PLEKHH2: variants seen among roughly 807,000 people sequenced by gnomAD.
PLEKHH2 encodes pleckstrin homology domain-containing family H member 2.
In PLEKHH2, 129 loss-of-function variants were observed where a neutral mutation model predicts 187.9. The observed-to-expected ratio is 0.69, with a 90% CI of 0.59 to 0.79. The LOEUF (loss-of-function observed/expected upper bound fraction) is 0.79, where lower values mean the gene tolerates loss of function less well. Ranked by LOEUF, PLEKHH2 falls within the 30% of genes least tolerant of loss-of-function variation. The pLI is 0.00. For synonymous variants in PLEKHH2, 686 were observed against 605.6 expected, an observed-to-expected ratio of 1.13 and a Z score of -1.95; for missense variants, 2,076 against 1,751.2, an observed-to-expected ratio of 1.19 and a Z score of -3.31.
chr2:43,643,717 G>A (rs907037906), intron 1 of PLEKHH2, among the ~76,000 whole-genome samples: 117 of 152,002 alleles, frequency 7.7e-4, no homozygotes, highest in Non-Finnish European at 1.3e-4. Context: ...TCATAGCAGG[G>A]CAGTTCATAG....
chr2:43,754,525 T>C (rs1672136340), intron 25 of PLEKHH2, among the ~76,000 whole-genome samples: 1 of 152,204 alleles, frequency 6.6e-6, no homozygotes, highest in Non-Finnish European at 1.5e-5. Flanking sequence ...GCCTACTACC[T>C]ACCAGGGAGT....
chr2:43,716,155 A>G (rs925716566), intron 15 of PLEKHH2, among the ~76,000 whole-genome samples: 1 of 152,106 alleles, frequency 6.6e-6, no homozygotes, highest in Non-Finnish European at 1.5e-5. Flanking sequence ...CAGGAGAGGC[A>G]TTTTTTAGGG....
At chr2:43,681,408 C>T in intron 3 of PLEKHH2, 2 of 1,548,560 alleles carry the variant, frequency 1.3e-6, no homozygotes, top group Non-Finnish European at 1.7e-6. Context: ...TTGTTCTTTC[C>T]TTTGTTTTAT....
At position 43,729,712 on chromosome 2, in the gene PLEKHH2, G is replaced by A; in HGVS notation, c.2797G>A (p.Val933Ile). The A allele has an allele frequency of 6.2e-7, 1 of 1,607,790 alleles. No individual in the cohort carries two copies. Reference protein sequence around the residue: ...VNVGSEFEQLVCKLLNIDGEP... With the variant: ...VNVGSEFEQLICKLLNIDGEP... ...CGTTGGATCTGAATTTGAACAACTG[G>A]TTTGCAAATTGCTAAATATAGACGG... Residue 933 changes from valine (V) to isoleucine (I), a missense_variant, in exon 18 of 30, where the codon GTT (valine) becomes ATT (isoleucine). Transcript: ENST00000282406.
chr2:43,707,333 G>A, intron 10 of PLEKHH2, 68 bp from the exon 11 acceptor site: 1 of 1,579,940 alleles, frequency 6.3e-7, no homozygotes, highest in East Asian at 2.3e-5. Context: ...CTAATAACTA[G>A]CAGCCTTTTC....
intron 3 of PLEKHH2, chr2:43,680,699 A>C (rs1481805671): frequency 2.4e-6 from 1 of 408,356 alleles, no homozygotes; most frequent in Non-Finnish European, 4.8e-6. Flanking sequence ...AAGTCAAGTA[A>C]GCCTTCCGAA....
intron 3 of PLEKHH2, among the ~76,000 whole-genome samples, chr2:43,686,779 T>A (rs1366783174): frequency 6.6e-6 from 1 of 152,208 alleles, no homozygotes; most frequent in Non-Finnish European, 1.5e-5. Context: ...CTGATTTCAC[T>A]GATAACATGT....
intron 24 of PLEKHH2, among the ~76,000 whole-genome samples, chr2:43,750,386 C>T (rs941895779): frequency 4.6e-5 from 7 of 152,002 alleles, no homozygotes; most frequent in East Asian, 3.9e-4. Context: ...GCAGGAGAAT[C>T]GCATGAACCC....
Position 43,766,188 on chromosome 2 carries a change from C to T in PLEKHH2, c.*590C>T, listed in dbSNP as rs916551710. 1 of 152,882 alleles carries T rather than the reference C, an allele frequency of 6.5e-6. No homozygotes were observed. Among genetic ancestry groups the T allele is most frequent in the East Asian group, 1.9e-4 (1 of 5,322 alleles). 9.5% of individuals were successfully genotyped at this position (152,882 alleles called of 1,614,324 possible). ...GAGAAAGCAGGATAACATTAGGTAA[C>T]CTGAGCCTCCTGTGTGGTATTAGAA... On this transcript the variant is annotated 3_prime_UTR_variant, in exon 30 of 30. Transcript: ENST00000282406.
intron 28 of PLEKHH2, among the ~76,000 whole-genome samples, chr2:43,763,206 C>CA (rs1426499206): frequency 6.6e-6 from 1 of 151,800 alleles, no homozygotes; most frequent in Non-Finnish European, 1.5e-5. Context: ...ACAAACAAAC[C>CA]AAAAAACCTA....
intron 1 of PLEKHH2, among the ~76,000 whole-genome samples, chr2:43,642,075 TCTTCACA>T (rs2104318825): frequency 6.6e-6 from 1 of 152,348 alleles, no homozygotes; most frequent in South Asian, 2.1e-4. Context: ...AGTATTGCCA[TCTTCACA>T]ATATTAAGTC....
At chr2:43,642,494 G>C (rs7569547) in intron 1 of PLEKHH2, among the ~76,000 whole-genome samples, 2 of 151,914 alleles carry the variant, frequency 1.3e-5, no homozygotes, top group African/African-American at 2.4e-5. Flanking sequence ...CTCTATTACA[G>C]TGTTGAATAG....
At chr2:43,733,085 G>A (rs1671120633) in intron 19 of PLEKHH2, among the ~76,000 whole-genome samples, 1 of 152,094 alleles carries the variant, frequency 6.6e-6, no homozygotes, top group Non-Finnish European at 1.5e-5. Context: ...CCTTGCAGCC[G>A]GGCGCAGTGG....
intron 26 of PLEKHH2, among the ~76,000 whole-genome samples, chr2:43,758,464 G>A (rs919002175): frequency 6.6e-6 from 1 of 152,092 alleles, no homozygotes; most frequent in African/African-American, 2.4e-5. Context: ...CGTTGGCCAG[G>A]CTGGTCTTAA....
intron 25 of PLEKHH2, among the ~76,000 whole-genome samples, chr2:43,755,549 T>A (rs986187898): frequency 1.3e-5 from 2 of 152,192 alleles, no homozygotes; most frequent in African/African-American, 4.8e-5. Context: ...GCTACATAAC[T>A]AATGACTCCA....
chr2:43,762,492 C>A, intron 28 of PLEKHH2, 102 bp downstream of exon 28: 1 of 870,942 alleles, frequency 1.1e-6, no homozygotes, highest in Non-Finnish European at 1.9e-6. Flanking sequence ...TTTCTCTTAC[C>A]CAGGAAACAT....
intron 3 of PLEKHH2, among the ~76,000 whole-genome samples, chr2:43,684,051 C>T (rs7575475): frequency 3.3e-5 from 5 of 152,144 alleles, no homozygotes; most frequent in Non-Finnish European, 7.3e-5. Context: ...CATTGTTACC[C>T]AAATCCCATA....
chr2:43,742,650 A>G, intron 21 of PLEKHH2, 91 bp from the exon 22 acceptor site: 1 of 968,036 alleles, frequency 1.0e-6, no homozygotes, highest in Non-Finnish European at 1.4e-6. Context: ...ATACATTGTG[A>G]TAATGTACAC....
At chr2:43,701,611 G>A (rs1669369747) in intron 8 of PLEKHH2, among the ~76,000 whole-genome samples, 3 of 151,116 alleles carry the variant, frequency 2.0e-5, no homozygotes, top group Admixed American at 1.3e-4. Context: ...AGCTTATATA[G>A]CCATTGGTTT....
Sources: gnomAD v4.1 joint callset for allele counts (sites outside exome capture counted in the v4.1 genomes callset) on GRCh38, gnomAD v4.1.1 for gene constraint, MANE v1.5 for transcripts, NCBI Gene and HGNC (gene_info 2026-07-23, HGNC 2026-07-21) for gene names.